RAPGEF2: variants seen among roughly 807,000 people sequenced by gnomAD.
RAPGEF2 encodes the protein Rap guanine nucleotide exchange factor 2, also known as PDZ domain containing guanine nucleotide exchange factor (GEF) 1.
In RAPGEF2, 54 loss-of-function variants were observed where a neutral mutation model predicts 186.7. The observed-to-expected ratio is 0.29, with a 90% CI of 0.23 to 0.36. The LOEUF is 0.36. RAPGEF2 is among the 10% of genes least tolerant of loss of function. The pLI is 1.00. For synonymous variants in RAPGEF2, 712 were observed against 705.9 expected, an observed-to-expected ratio of 1.01 and a Z score of -0.14; for missense variants, 1,532 against 2,045.0, an observed-to-expected ratio of 0.75 and a Z score of 4.84.
intron 1 of RAPGEF2, among the ~76,000 whole-genome samples, chr4:159,135,827 G>A (rs1741656572): frequency 6.6e-6 from 1 of 152,048 alleles, no homozygotes; most frequent in Admixed American, 6.6e-5. Context: ...TCAAACTCTC[G>A]ACCTCAGGTA....
intron 1 of RAPGEF2, among the ~76,000 whole-genome samples, chr4:159,125,179 T>C (rs1362485112): frequency 2.0e-5 from 3 of 152,214 alleles, no homozygotes; most frequent in Non-Finnish European, 4.4e-5. Flanking sequence ...ACCTGGCATA[T>C]GTTAGGTGCT....
intron 4 of RAPGEF2, among the ~76,000 whole-genome samples, chr4:159,219,330 A>G (rs1339301218): frequency 6.9e-6 from 1 of 144,916 alleles, no homozygotes; most frequent in Non-Finnish European, 1.5e-5. Context: ...TACAAGGGAT[A>G]GTGTCCCAAC....
intron 7 of RAPGEF2, among the ~76,000 whole-genome samples, chr4:159,256,345 A>G (rs1392318401): frequency 6.6e-6 from 1 of 152,192 alleles, no homozygotes; most frequent in African/African-American, 2.4e-5. Context: ...AATAGCTTCT[A>G]GCTCCATCCA....
At chr4:159,182,293 A>G (rs1747082488) in intron 1 of RAPGEF2, among the ~76,000 whole-genome samples, 1 of 152,118 alleles carries the variant, frequency 6.6e-6, no homozygotes, top group South Asian at 2.1e-4. Context: ...TTAAAATTAT[A>G]AATCATGTCT....
intron 24 of RAPGEF2, 108 bp downstream of exon 24, chr4:159,345,437 A>G (rs992847388): frequency 2.2e-6 from 2 of 920,838 alleles, no homozygotes; most frequent in African/African-American, 3.3e-5. Context: ...AGGGGGAGCT[A>G]GCAATCCTGA....
At chr4:159,337,294 T>C (rs1248040090) in intron 17 of RAPGEF2, among the ~76,000 whole-genome samples, 1 of 152,236 alleles carries the variant, frequency 6.6e-6, no homozygotes. Context: ...TGTGTCAGTC[T>C]CCTTACATTT....
At chr4:159,279,981 G>C (rs1195640514) in intron 7 of RAPGEF2, among the ~76,000 whole-genome samples, 1 of 152,030 alleles carries the variant, frequency 6.6e-6, no homozygotes, top group African/African-American at 2.4e-5. Flanking sequence ...CACTGTGCCC[G>C]GCCTATATGC....
chr4:159,326,749 T>C, intron 11 of RAPGEF2: 1 of 145,942 alleles, frequency 6.9e-6, no homozygotes, highest in South Asian at 2.1e-4. Flanking sequence ...ATGTACCTCT[T>C]TCTTTTCTTT....
chr4:159,190,996 G>A (rs1748064338), intron 2 of RAPGEF2, among the ~76,000 whole-genome samples: 1 of 152,216 alleles, frequency 6.6e-6, no homozygotes, highest in African/African-American at 2.4e-5. Flanking sequence ...TCAAGTGGCA[G>A]CACTGAGTAG....
chr4:159,152,485 A>G (rs1579317221), intron 1 of RAPGEF2, among the ~76,000 whole-genome samples: 1 of 152,158 alleles, frequency 6.6e-6, no homozygotes. Context: ...TAAAATTGGT[A>G]TGTCCATGTG....
At chr4:159,171,287 A>G (rs1359277578) in intron 1 of RAPGEF2, among the ~76,000 whole-genome samples, 4 of 152,214 alleles carry the variant, frequency 2.6e-5, no homozygotes, top group African/African-American at 4.8e-5. Flanking sequence ...TTGAACAACA[A>G]TAATGTTCCA....
chr4:159,112,199 A>T (rs1412429585), intron 1 of RAPGEF2, among the ~76,000 whole-genome samples: 1 of 152,286 alleles, frequency 6.6e-6, no homozygotes, highest in African/African-American at 2.4e-5. Flanking sequence ...AAATACCAAT[A>T]ATGTCTGAGG....
intron 1 of RAPGEF2, among the ~76,000 whole-genome samples, chr4:159,174,309 GT>G (rs1746223066): frequency 6.6e-6 from 1 of 152,122 alleles, no homozygotes. Flanking sequence ...TAACCCTTGT[GT>G]TTTCTTCAAT....
chr4:159,330,139 G>A (rs1579963344), intron 12 of RAPGEF2, 129 bp downstream of exon 12: 4 of 974,088 alleles, frequency 4.1e-6, no homozygotes, highest in Middle Eastern at 2.2e-4. Context: ...AAATCTTTAT[G>A]TATGATCTCC....
At chr4:159,238,914 C>T (rs1273065946) in intron 5 of RAPGEF2, 30 bp downstream of exon 5, 1 of 1,397,318 alleles carries the variant, frequency 7.2e-7, no homozygotes, top group South Asian at 1.7e-5. Context: ...GACTATTTTT[C>T]CCCTAAAAAA....
rs144757597 is a variant in RAPGEF2, at chr4:159,130,313, A to T, written c.69+26082A>T. Among the ~76,000 whole-genome samples, 915 of 152,308 alleles carry T rather than the reference A, an allele frequency of 6.0e-3. 3 individuals are homozygous for T. Among genetic ancestry groups the T allele is most frequent in the African/African-American group, 0.02 (846 of 41,552 alleles). On this transcript the variant is annotated intron_variant, in intron 1 of 29. Transcript: ENST00000691494. ...GTCTAACCTCCTGGGAATGCAGTCC[A>T]GTAGGTCTCAGCCTTATTTTACCCA...
At chr4:159,291,373 G>C (rs1761191538) in intron 7 of RAPGEF2, among the ~76,000 whole-genome samples, 1 of 152,154 alleles carries the variant, frequency 6.6e-6, no homozygotes. Context: ...CGCAATCACA[G>C]TTCACTTGAC....
chr4:159,353,046 T>A lies in RAPGEF2; in HGVS notation c.4091+136T>A. 1 of 829,446 alleles carries A rather than the reference T, an allele frequency of 1.2e-6. No individual in the cohort carries two copies. Among genetic ancestry groups the A allele is most frequent in the South Asian group, 1.9e-5 (1 of 52,852 alleles). The allele number at this position is 829,446 out of a possible 1,614,324, so 51.4% of individuals were successfully genotyped here. A position where few individuals can be genotyped will look rare whatever the true frequency, so the allele number is the denominator to read the frequency against. On this transcript the variant is annotated intron_variant, in intron 27 of 29. Transcript: ENST00000691494. This position sits in a 1 kb window ranked among gnomAD's most constrained non-coding sequence, Gnocchi z 4.3. The stretch of plus-strand genomic sequence containing the variant: ...TTTTTCTGCCATCCCAGTTCTGATT[T>A]TCACAATTTCTACACTAAGTATCAT...
At chr4:159,247,893 G>T (rs1360771509) in intron 7 of RAPGEF2, among the ~76,000 whole-genome samples, 2 of 150,138 alleles carry the variant, frequency 1.3e-5, no homozygotes, top group South Asian at 2.1e-4. Context: ...CTCCCGAGTA[G>T]CTGGGATTAC....
Sources: gnomAD v4.1 joint callset for allele counts (sites outside exome capture counted in the v4.1 genomes callset) on GRCh38, gnomAD v4.1.1 for gene constraint, Gnocchi (gnomAD v3.1) non-coding constraint, MANE v1.5 for transcripts, NCBI Gene and HGNC (gene_info 2026-07-23, HGNC 2026-07-21) for gene names.